MGAT5B: variants seen among roughly 807,000 people sequenced by gnomAD.
The protein encoded by MGAT5B is N-acetylglucosaminyl-transferase Vb.
Under a neutral mutation model 95.1 loss-of-function variants are expected in MGAT5B, and 54 were observed. The observed-to-expected ratio is 0.57, with a 90% CI of 0.46 to 0.71. The LOEUF (loss-of-function observed/expected upper bound fraction) is 0.71. MGAT5B is among the 30% of genes least tolerant of loss of function. The probability of loss-of-function intolerance (pLI) is 0.00; values close to 1 mark genes in which losing one functional copy is unlikely to be tolerated. For missense variants in MGAT5B, 935 were observed against 1,088.6 expected (o/e 0.86, Z 1.99); for synonymous variants, 464 against 451.0 (o/e 1.03, Z -0.36).
chr17:76,906,102 A>G lies in MGAT5B; in HGVS notation c.940A>G (p.Met314Val), dbSNP rs1968518372. 2 of 1,606,884 alleles carry G rather than the reference A, an allele frequency of 1.2e-6. No homozygotes were observed. The highest frequency in any genetic ancestry group is 1.7e-6 in the Non-Finnish European group (2 of 1,177,412). The change falls in exon 8 of 18, where the codon ATG (methionine) becomes GTG (valine). Residue 314 changes from methionine to valine, a missense_variant. By Grantham distance (21) the Met-to-Val change is conservative (BLOSUM62 1). Transcript: ENST00000569840. The surrounding 1 kb of genome is among the most constrained non-coding windows in gnomAD (Gnocchi z 4.6). ...CCTGAAGGGCGGGCCCCTAGGGGAG[A>G]TGGTGCAGTGGGCGGACATTCTGAC... is the stretch of plus-strand genomic sequence containing the variant. ...RVLKGGPLGE[M>V]VQWADILTAL...
chr17:76,906,002 T>C lies in MGAT5B; in HGVS notation c.856-16T>C. 1 of 1,590,880 alleles carries C rather than the reference T, an allele frequency of 6.3e-7. No individual in the cohort carries two copies. The highest frequency in any genetic ancestry group is 8.5e-7 in the Non-Finnish European group (1 of 1,170,714). On this transcript the variant is annotated splice_polypyrimidine_tract_variant and intron_variant, in intron 7 of 17. Coordinates refer to ENST00000569840, the MANE Select transcript of MGAT5B (RefSeq NM_001199172.2). The surrounding 1 kb of genome is among the most constrained non-coding windows in gnomAD (Gnocchi z 4.6). ...GCTGCTCCTCTCTGCTGACCCTCTG[T>C]GTTCCGCCCACCCAGATCCTGGTCC...
intron 3 of MGAT5B, among the ~76,000 whole-genome samples, chr17:76,897,660 A>ACTTTCTTTATTTCTTTCTTTCTTT (rs1968113828): frequency 1.4e-5 from 1 of 69,386 alleles, no homozygotes; most frequent in Non-Finnish European, 2.6e-5. Flanking sequence ...AAGTAAGGCC[A>ACTTTCTTTATTTCTTTCTTTCTTT]CTTTCTTTCT....
At chr17:76,947,762 C>T (rs938589854) in intron 16 of MGAT5B, 68 bp from the exon 17 acceptor site, 4 of 1,484,178 alleles carry the variant, frequency 2.7e-6, no homozygotes, top group African/African-American at 1.4e-5. Context: ...CAGGGCCACA[C>T]CTTCAGGTGT....
intron 12 of MGAT5B, among the ~76,000 whole-genome samples, chr17:76,934,285 A>C (rs1013070741): frequency 6.6e-6 from 1 of 152,190 alleles, no homozygotes; most frequent in African/African-American, 2.4e-5. Context: ...CCCACTCTAT[A>C]AATGAGGACA....
chr17:76,881,153 G>A (rs182017221), intron 2 of MGAT5B, among the ~76,000 whole-genome samples: 4 of 152,322 alleles, frequency 2.6e-5, no homozygotes, highest in African/African-American at 4.8e-5. Flanking sequence ...AAAGGAAGGC[G>A]AGAACTCGCT....
At chr17:76,879,626 A>G (rs2145128472) in intron 2 of MGAT5B, among the ~76,000 whole-genome samples, 1 of 152,256 alleles carries the variant, frequency 6.6e-6, no homozygotes, top group East Asian at 1.9e-4. Context: ...AGTTGTAGAA[A>G]GCAGTGGCCA....
At position 76,868,966 on chromosome 17, in the gene MGAT5B, G is replaced by A; in HGVS notation, c.-64G>A. On this transcript the variant is annotated 5_prime_UTR_variant, in exon 1 of 18. Coordinates refer to ENST00000569840, the MANE Select transcript of MGAT5B (RefSeq NM_001199172.2). The surrounding 1 kb of genome is among the most constrained non-coding windows in gnomAD (Gnocchi z 6.3). ...AGGGTTCGTGGCCCGGACGCGGCGA[G>A]AGCTGGGCCCAGGACGGTGCGTCCG... 1.3e-6 allele frequency: 2 copies of A among 1,532,796 alleles called. No individual in the cohort carries two copies. Among genetic ancestry groups the A allele is most frequent in the Non-Finnish European group, 9.0e-7 (1 of 1,109,406 alleles). The allele number at this position is 1,532,796 out of a possible 1,614,324, so 94.9% of individuals were successfully genotyped here.
Position 76,904,360 on chromosome 17 carries a change from C to T in MGAT5B, c.628C>T (p.Pro210Ser). The T allele has an allele frequency of 1.9e-6, 3 of 1,587,314 alleles. No individual in the cohort carries two copies. The highest frequency in any genetic ancestry group is 1.7e-6 in the Non-Finnish European group (2 of 1,166,974). ...CAGTGAGGTCGAGTGGTTCTGCCCC[C>T]CGCTGCCCTGGAGGAACCAGACGGC... ...YLSEVEWFCP[P>S]LPWRNQTAAQ... is the part of the protein sequence containing the mutation. Residue 210 changes from proline (P) to serine (S), a missense_variant, in exon 6 of 18, where the codon CCG (proline) becomes TCG (serine). Around this residue, in one of 4 missense-constraint regions of MGAT5B, gnomAD observed 243 missense variants for 305.5 expected, o/e 0.80. Transcript: ENST00000569840.
rs1033948843 is a variant in MGAT5B at position 76,949,138 on chromosome 17, G to A, written c.*300G>A. Reference sequence around the variant, plus strand: ...CCGCATGGCCCAGGAGCAGGTGGTCGGAGGCCCCTGGCTTTGTGCAAGGCC... The same window carrying A: ...CCGCATGGCCCAGGAGCAGGTGGTCAGAGGCCCCTGGCTTTGTGCAAGGCC... On this transcript the variant is annotated 3_prime_UTR_variant, in exon 18 of 18. Transcript: ENST00000569840. 8 of 402,624 alleles carry A rather than the reference G, an allele frequency of 2.0e-5. No homozygotes were observed. Among genetic ancestry groups the A allele is most frequent in the African/African-American group, 1.0e-4 (5 of 49,104 alleles). 24.9% of individuals were successfully genotyped at this position (402,624 alleles called of 1,614,324 possible). A position where few individuals can be genotyped will look rare whatever the true frequency, so the allele number is the denominator to read the frequency against.
In MGAT5B at chr17:76,947,923, G is replaced by A. The variant is rs1309437180; in HGVS notation, c.2017G>A (p.Ala673Thr). ...CCCCAATGCCACCCACCTCGAGTGGGCTCGGAACACCAGCTTGGCTCCTGG... is the reference window on the plus strand; with the variant it reads ...CCCCAATGCCACCCACCTCGAGTGGACTCGGAACACCAGCTTGGCTCCTGG... ...LAPNATHLEW[A>T]RNTSLAPGAW... The change falls in exon 17 of 18, where the codon GCT (alanine) becomes ACT (threonine). Residue 673 changes from alanine (A) to threonine (T), a missense_variant. By Grantham distance (58) the Ala-to-Thr change is moderately conservative (BLOSUM62 0). Around this residue, in one of 4 missense-constraint regions of MGAT5B, gnomAD observed 440 missense variants for 523.6 expected, o/e 0.84. Transcript: ENST00000569840. 6.2e-7 allele frequency: 1 copy of A among 1,613,236 alleles called. No homozygotes were observed. The highest frequency in any genetic ancestry group is 1.1e-5 in the South Asian group (1 of 90,988).
intron 8 of MGAT5B, among the ~76,000 whole-genome samples, chr17:76,920,975 G>T (rs980575225): frequency 6.6e-6 from 1 of 152,314 alleles, no homozygotes; most frequent in Non-Finnish European, 1.5e-5. Flanking sequence ...TGTTAAAGAT[G>T]ACCTGACCCT....
At chr17:76,907,628 T>C (rs1426130850) in intron 8 of MGAT5B, among the ~76,000 whole-genome samples, 1 of 152,258 alleles carries the variant, frequency 6.6e-6, no homozygotes, top group African/African-American at 2.4e-5. Context: ...CGGATATTTT[T>C]TCCTGTTTTT....
rs1210031570 is a variant in MGAT5B, at chr17:76,949,167, T to C, written c.*329T>C. On this transcript the variant is annotated 3_prime_UTR_variant, in exon 18 of 18. Coordinates refer to ENST00000569840, the MANE Select transcript of MGAT5B (RefSeq NM_001199172.2). ...GCCCCTGGCTTTGTGCAAGGCCGGA[T>C]CTGGGCCAGGTGGCGAAAGGGGCCC... is the stretch of plus-strand genomic sequence containing the variant. 6.3e-6 allele frequency: 2 copies of C among 319,792 alleles called. No individual in the cohort carries two copies. Among genetic ancestry groups the C allele is most frequent in the Non-Finnish European group, 1.2e-5 (2 of 172,254 alleles). 19.8% of individuals were successfully genotyped at this position (319,792 alleles called of 1,614,324 possible).
chr17:76,943,219 TC>T (rs1969922869), intron 15 of MGAT5B, among the ~76,000 whole-genome samples: 1 of 151,892 alleles, frequency 6.6e-6, no homozygotes, highest in African/African-American at 2.4e-5. Context: ...TACATGAACA[TC>T]TGTTTAATTT....
intron 2 of MGAT5B, among the ~76,000 whole-genome samples, chr17:76,873,658 CCCT>C (rs1164004315): frequency 2.0e-5 from 3 of 150,800 alleles, no homozygotes; most frequent in African/African-American, 4.9e-5. Context: ...CAGCTGGGAG[CCCT>C]CCTCCTGAAG....
chr17:76,938,278 C>A lies in MGAT5B; in HGVS notation c.1584+135C>A. 1 of 1,211,168 alleles carries A rather than the reference C, an allele frequency of 8.3e-7. No individual in the cohort carries two copies. The highest frequency in any genetic ancestry group is 1.1e-6 in the Non-Finnish European group (1 of 872,358). The allele number at this position is 1,211,168 out of a possible 1,614,324, so 75.0% of individuals were successfully genotyped here. On this transcript the variant is annotated intron_variant, in intron 13 of 17. Coordinates refer to ENST00000569840, the MANE Select transcript of MGAT5B (RefSeq NM_001199172.2). The surrounding 1 kb of genome is among the most constrained non-coding windows in gnomAD (Gnocchi z 4.3). Reference sequence around the variant, plus strand: ...CAGCATGCTCTGCTGCCCTGAGCCCCACATCTGGCCAGAGCCCAGGGGCAG... The same window carrying A: ...CAGCATGCTCTGCTGCCCTGAGCCCAACATCTGGCCAGAGCCCAGGGGCAG...
At position 76,930,625 on chromosome 17, in the gene MGAT5B, A is replaced by G. The variant is rs1363030862; in HGVS notation, c.1292-2020A>G. On this transcript the variant is annotated intron_variant, in intron 10 of 17. Coordinates refer to ENST00000569840, the MANE Select transcript of MGAT5B (RefSeq NM_001199172.2). This position sits in a 1 kb window ranked among gnomAD's most constrained non-coding sequence, Gnocchi z 4.1. ...TCCTCTTAACCCCTCCGTGGCGGAC[A>G]GAGCTTTAGCAGTCACTGCACTCCA... Among the ~76,000 whole-genome samples the G allele has an allele frequency of 6.6e-6, 1 of 152,198 alleles. No homozygotes were observed. Among genetic ancestry groups the G allele is most frequent in the African/African-American group, 2.4e-5 (1 of 41,452 alleles).
chr17:76,906,814 G>A lies in MGAT5B; in HGVS notation c.1025+627G>A, dbSNP rs1393815578. 2.0e-5 allele frequency among the ~76,000 whole-genome samples: 3 copies of A among 152,034 alleles called. No homozygotes were observed. In the East Asian group the frequency reaches 5.8e-4, roughly 29 times the overall value. ...TTATTTTTAATCACTGTTTCTGTGGGATGTAGGAATACAGGAGATTCTTCT... is the reference window on the plus strand; with the variant it reads ...TTATTTTTAATCACTGTTTCTGTGGAATGTAGGAATACAGGAGATTCTTCT... On this transcript the variant is annotated intron_variant, in intron 8 of 17. Transcript: ENST00000569840. The surrounding 1 kb of genome is among the most constrained non-coding windows in gnomAD (Gnocchi z 4.6).
intron 17 of MGAT5B, 73 bp downstream of exon 17, chr17:76,948,159 T>G: frequency 8.0e-6 from 12 of 1,499,796 alleles, no homozygotes; most frequent in Non-Finnish European, 1.1e-5. Flanking sequence ...AGAGCTCTCA[T>G]GCCCAGAACC....
Sources: allele counts gnomAD v4.1 joint callset (sites outside exome capture counted in the v4.1 genomes callset), GRCh38; gene constraint gnomAD v4.1.1; regional missense constraint gnomAD v4.1.1; non-coding constraint Gnocchi (gnomAD v3.1); transcripts MANE v1.5; gene names NCBI Gene and HGNC (gene_info 2026-07-23, HGNC 2026-07-21).